Variants in TMEM135 observed in about 807,000 individuals in gnomAD.
TMEM135 encodes the protein peroxisomal membrane protein 52.
A neutral mutation model predicts 60.3 loss-of-function variants in TMEM135; 30 were observed. The ratio of observed to expected loss-of-function variants is 0.50; its 90% CI spans 0.37 to 0.68. The LOEUF (loss-of-function observed/expected upper bound fraction) is 0.68, where lower values mean the gene tolerates loss of function less well. TMEM135 is among the 30% of genes least tolerant of loss of function. The pLI is 0.00. For missense variants in TMEM135, 468 were observed against 548.8 expected, an observed-to-expected ratio of 0.85 and a Z score of 1.47; for synonymous variants, 190 against 186.7, an observed-to-expected ratio of 1.02 and a Z score of -0.14.
intron 5 of TMEM135, among the ~76,000 whole-genome samples, chr11:87,229,222 A>T (rs1365341544): frequency 1.3e-5 from 2 of 152,196 alleles, no homozygotes; most frequent in East Asian, 1.9e-4. Flanking sequence ...CCATGTTTTC[A>T]TATAAATATA....
At chr11:87,277,463 C>A in intron 6 of TMEM135, 1 of 181,404 alleles carries the variant, frequency 5.5e-6, no homozygotes, top group Non-Finnish European at 1.2e-5. Context: ...GTGAAACTGC[C>A]GTATTGGATC....
In TMEM135 at chr11:87,129,213, ATTTTTTTTTTTTTTTTTTT is replaced by A. The variant is rs71040295; in HGVS notation, c.397-28099_397-28081del. ...TTCTATACATGTTCCTTATTCCTTAATTTTTTTTTTTTTTTTTTTTTTTTTTTTTTTTTTTTTTTTTTTT... is the reference window on the plus strand; with the variant it reads ...TTCTATACATGTTCCTTATTCCTTAATTTTTTTTTTTTTTTTTTTTTTTTT... On this transcript the variant is annotated intron_variant, in intron 4 of 14. Transcript: ENST00000305494. 3.3e-3 allele frequency among the ~76,000 whole-genome samples: 387 copies of A among 115,848 alleles called. 1 individual carries two copies. The highest frequency in any genetic ancestry group is 4.5e-3 in the Non-Finnish European group (237 of 52,968). The allele number at this position is 115,848 out of a possible 152,430, so 76.0% of individuals were successfully genotyped here.
chr11:87,169,546 C>A (rs1591073665), intron 5 of TMEM135, among the ~76,000 whole-genome samples: 2 of 151,888 alleles, frequency 1.3e-5, no homozygotes, highest in East Asian at 3.9e-4. Flanking sequence ...GATTTTATTT[C>A]TTTTTCGCTT....
rs1399381706 is a variant in TMEM135 at position 87,225,566 on chromosome 11, G to A, written c.463-11072G>A. ...ACAAGAAAAGAATTAATGTGGACAGGAAGAGTGAGGAACTAAAAGGAGCCA... is the reference window on the plus strand; with the variant it reads ...ACAAGAAAAGAATTAATGTGGACAGAAAGAGTGAGGAACTAAAAGGAGCCA... On this transcript the variant is annotated intron_variant, in intron 5 of 14. Transcript: ENST00000305494. 2.0e-5 allele frequency among the ~76,000 whole-genome samples: 3 copies of A among 152,040 alleles called. 1 individual carries two copies. The highest frequency in any genetic ancestry group is 4.4e-5 in the Non-Finnish European group (3 of 67,982).
chr11:87,229,417 TC>T (rs1350825393), intron 5 of TMEM135, among the ~76,000 whole-genome samples: 2 of 152,136 alleles, frequency 1.3e-5, no homozygotes, highest in Non-Finnish European at 2.9e-5. Flanking sequence ...AATATTTCTT[TC>T]ACCCATCAGA....
chr11:87,288,514 T>A (rs1372331367), intron 6 of TMEM135, among the ~76,000 whole-genome samples: 1 of 152,212 alleles, frequency 6.6e-6, no homozygotes, highest in Non-Finnish European at 1.5e-5. Context: ...AGTGAGATCA[T>A]TTCTCTTTTT....
chr11:87,214,309 C>T (rs1399618931), intron 5 of TMEM135, among the ~76,000 whole-genome samples: 1 of 152,194 alleles, frequency 6.6e-6, no homozygotes, highest in Admixed American at 6.5e-5. Flanking sequence ...CTCCTGGTAC[C>T]TTGCCAGTGC....
intron 5 of TMEM135, among the ~76,000 whole-genome samples, chr11:87,216,609 T>C (rs1940507892): frequency 6.6e-6 from 1 of 152,202 alleles, no homozygotes; most frequent in Admixed American, 6.5e-5. Flanking sequence ...GGTCTGGTTT[T>C]GTTTGAGCAA....
At chr11:87,320,022 A>T (rs537757568) in intron 14 of TMEM135, among the ~76,000 whole-genome samples, 14 of 152,202 alleles carry the variant, frequency 9.2e-5, no homozygotes, top group Non-Finnish European at 1.8e-4. Context: ...GAAAATTAAG[A>T]TGCTTATAGT....
intron 4 of TMEM135, among the ~76,000 whole-genome samples, chr11:87,116,609 G>A (rs982905140): frequency 1.4e-5 from 2 of 141,132 alleles, no homozygotes; most frequent in African/African-American, 2.6e-5. Flanking sequence ...TAGTATATAT[G>A]TACAAACACA....
At chr11:87,063,153 A>C (rs1011433534) in intron 1 of TMEM135, among the ~76,000 whole-genome samples, 1 of 152,206 alleles carries the variant, frequency 6.6e-6, no homozygotes, top group Non-Finnish European at 1.5e-5. Flanking sequence ...ATAACATTCT[A>C]GTATTTGTTC....
chr11:87,139,643 C>A lies in TMEM135; in HGVS notation c.397-17698C>A. On this transcript the variant is annotated intron_variant, in intron 4 of 14. Transcript: ENST00000305494. ...ACTGACAAATTGTTTTCCAAACTGACTGTACCATTTTGCCTTCCCGCCAGC... is the reference window on the plus strand; with the variant it reads ...ACTGACAAATTGTTTTCCAAACTGAATGTACCATTTTGCCTTCCCGCCAGC... 2.0e-5 allele frequency among the ~76,000 whole-genome samples: 3 copies of A among 152,276 alleles called. No homozygotes were observed. The East Asian group carries it at 5.8e-4, about 29-fold the overall frequency.
At chr11:87,310,982 CCTCT>C (rs1942630642) in intron 10 of TMEM135, among the ~76,000 whole-genome samples, 1 of 151,306 alleles carries the variant, frequency 6.6e-6, no homozygotes, top group East Asian at 1.9e-4. Context: ...GCCTACCTTC[CCTCT>C]GTCTACAAAA....
chr11:87,218,421 C>CT (rs1429640308), intron 5 of TMEM135, among the ~76,000 whole-genome samples: 1 of 152,148 alleles, frequency 6.6e-6, no homozygotes, highest in Non-Finnish European at 1.5e-5. Flanking sequence ...TGCTCTGTAC[C>CT]ACCCCTCTAG....
intron 5 of TMEM135, among the ~76,000 whole-genome samples, chr11:87,232,470 C>T (rs1341085486): frequency 6.6e-6 from 1 of 151,488 alleles, no homozygotes; most frequent in Admixed American, 6.6e-5. Context: ...TTGAAGACTA[C>T]CCCAGGCACA....
In TMEM135 at chr11:87,112,224, A is replaced by T. The variant is rs144217116; in HGVS notation, c.396+20829A>T. Among the ~76,000 whole-genome samples the T allele has an allele frequency of 4.7e-4, 72 of 152,300 alleles. 1 individual carries two copies. The highest frequency in any genetic ancestry group is 1.6e-3 in the African/African-American group (68 of 41,574). On this transcript the variant is annotated intron_variant, in intron 4 of 14. Transcript: ENST00000305494. ...ACTCAGTACACGTCTGTGTTAAATC[A>T]TTTTATGTGACTTTGGTCTAGAAGG...
At chr11:87,047,422 G>A (rs1391662592) in intron 1 of TMEM135, among the ~76,000 whole-genome samples, 1 of 151,498 alleles carries the variant, frequency 6.6e-6, no homozygotes, top group Non-Finnish European at 1.5e-5. Flanking sequence ...ATCTCACTAG[G>A]GAGTGCCAGA....
chr11:87,152,994 A>G (rs1486350857), intron 4 of TMEM135, among the ~76,000 whole-genome samples: 2 of 151,662 alleles, frequency 1.3e-5, no homozygotes, highest in Non-Finnish European at 2.9e-5. Context: ...CAGTTTCCTT[A>G]CCTCTTCTCC....
chr11:87,264,167 T>G (rs1941705079), intron 6 of TMEM135, among the ~76,000 whole-genome samples: 1 of 151,960 alleles, frequency 6.6e-6, no homozygotes, highest in Non-Finnish European at 1.5e-5. Flanking sequence ...ATTCCTTTAT[T>G]GTGACTAGGT....
Sources: allele counts gnomAD v4.1 joint callset (sites outside exome capture counted in the v4.1 genomes callset), GRCh38; gene constraint gnomAD v4.1.1; transcripts MANE v1.5; gene names NCBI Gene and HGNC (gene_info 2026-07-23, HGNC 2026-07-21).